The following FAM120B variants were observed in gnomAD, a reference collection of about 807,000 sequenced individuals.
FAM120B encodes the protein constitutive coactivator of peroxisome proliferator-activated receptor gamma.
A neutral mutation model predicts 96.3 loss-of-function variants in FAM120B; 83 were observed. That is an observed-to-expected ratio of 0.86 (90% CI 0.72 to 1.03). FAM120B has a LOEUF of 1.03. FAM120B is among the 50% of genes least tolerant of loss of function. The probability of loss-of-function intolerance (pLI) is 0.00; values close to 1 mark genes in which losing one functional copy is unlikely to be tolerated. For synonymous variants in FAM120B, 407 were observed against 402.7 expected (o/e 1.01, Z -0.13); for missense variants, 1,027 against 1,121.2 (o/e 0.92, Z 1.20).
At chr6:170,378,082 T>C (rs1789676810) in intron 6 of FAM120B, among the ~76,000 whole-genome samples, 1 of 152,234 alleles carries the variant, frequency 6.6e-6, no homozygotes, top group Non-Finnish European at 1.5e-5. Context: ...TTAGAGTTTA[T>C]ATTTAATACC....
At chr6:170,372,499 C>G (rs549660908) in intron 6 of FAM120B, among the ~76,000 whole-genome samples, 1 of 152,130 alleles carries the variant, frequency 6.6e-6, no homozygotes, top group Non-Finnish European at 1.5e-5. Context: ...AATGTGAGCG[C>G]GTTCTTAGAA....
rs928878240 is a variant in FAM120B at position 170,348,341 on chromosome 6, G to A, written c.2190+18G>A. 3.8e-5 allele frequency: 61 copies of A among 1,610,142 alleles called. No homozygotes were observed. Among genetic ancestry groups the A allele is most frequent in the Non-Finnish European group, 5.1e-5 (60 of 1,178,536 alleles). ...TTGTCCAGGTAATGTCCAGCTGCCC[G>A]TTCTAGTCACTGCAGCCTGCGCTTA... On this transcript the variant is annotated intron_variant, in intron 5 of 10. Coordinates refer to ENST00000476287, the MANE Select transcript of FAM120B (RefSeq NM_032448.3).
intron 1 of FAM120B, among the ~76,000 whole-genome samples, chr6:170,309,836 A>G (rs1228624657): frequency 6.6e-6 from 1 of 152,208 alleles, no homozygotes; most frequent in Non-Finnish European, 1.5e-5. Context: ...GAATCTTCCT[A>G]AAGTATATTA....
In FAM120B at chr6:170,300,465, A is replaced by G. The variant is rs114851591; in HGVS notation, c.48+5012A>G. Among the ~76,000 whole-genome samples, 772 of 152,288 alleles carry G rather than the reference A, an allele frequency of 5.1e-3. 10 individuals carry two copies. Among genetic ancestry groups the G allele is most frequent in the African/African-American group, 0.018 (739 of 41,566 alleles). On this transcript the variant is annotated intron_variant, in intron 1 of 10. Transcript: ENST00000537664. ...TTGGATGGGGATACAGCAAAACCAT[A>G]TAATTCCACTCCTGGTCCCTCCCAA...
intron 6 of FAM120B, among the ~76,000 whole-genome samples, chr6:170,376,265 C>T (rs1053617079): frequency 6.6e-6 from 1 of 152,060 alleles, no homozygotes; most frequent in African/African-American, 2.4e-5. Flanking sequence ...GATCTGTTTC[C>T]AGACAGATCT....
At chr6:170,391,536 A>G (rs1194709768) in intron 8 of FAM120B, among the ~76,000 whole-genome samples, 1 of 149,092 alleles carries the variant, frequency 6.7e-6, no homozygotes, top group Non-Finnish European at 1.5e-5. Flanking sequence ...CTCCATCTCA[A>G]AAAAAAAAAA....
chr6:170,392,045 G>C (rs999611015), intron 8 of FAM120B, among the ~76,000 whole-genome samples: 1 of 152,104 alleles, frequency 6.6e-6, no homozygotes, highest in African/African-American at 2.4e-5. Context: ...ATGCTTGTAT[G>C]TGTATTATTA....
At chr6:170,291,969 G>A (rs1376697588), upstream of FAM120B, among the ~76,000 whole-genome samples, 1 of 152,174 alleles carries the variant, frequency 6.6e-6, no homozygotes, top group African/African-American at 2.4e-5. Context: ...GGTGTGTGTC[G>A]TTCGCGTGGC....
rs887911748 is a variant in FAM120B at position 170,406,819 on chromosome 6, G to A, written c.*2068G>A. ...CCTCATCCCTTAGACTAAGAGAGTG[G>A]GTGTCTGTGAAAATTGTTTTCTCCT... On this transcript the variant is annotated 3_prime_UTR_variant, in exon 11 of 11. Coordinates refer to ENST00000476287, the MANE Select transcript of FAM120B (RefSeq NM_032448.3). The A allele has an allele frequency of 3.3e-5, 5 of 152,106 alleles. No homozygotes were observed. The highest frequency in any genetic ancestry group is 7.4e-5 in the Non-Finnish European group (5 of 68,014). The allele number at this position is 152,106 out of a possible 1,614,324, so 9.4% of individuals were successfully genotyped here. A position where few individuals can be genotyped will look rare whatever the true frequency, so the allele number is the denominator to read the frequency against.
rs760115995 is a variant in FAM120B, at chr6:170,388,355, T to A, written c.2352T>A (p.Val784=). 6.2e-7 allele frequency: 1 copy of A among 1,614,170 alleles called. No homozygotes were observed. Among genetic ancestry groups the A allele is most frequent in the Non-Finnish European group, 8.5e-7 (1 of 1,180,032 alleles). ...SLLVRGLTTL[V]LVNSACGFPW... ...TCGTCCGCGGCCTCACCACTCTGGT[T>A]TTAGTCAACAGCGCATGTGGCTTCC... is the stretch of plus-strand genomic sequence containing the variant. Residue 784 remains valine, a synonymous_variant, in exon 7 of 11, where the codon GTT becomes GTA. Coordinates refer to ENST00000476287, the MANE Select transcript of FAM120B (RefSeq NM_032448.3).
upstream of FAM120B, among the ~76,000 whole-genome samples, chr6:170,302,989 A>G (rs1426497402): frequency 6.6e-6 from 1 of 152,210 alleles, no homozygotes; most frequent in Admixed American, 6.5e-5. Context: ...TAAAGCTTCA[A>G]GATTTAGACA....
intron 3 of FAM120B, among the ~76,000 whole-genome samples, chr6:170,329,276 G>A (rs1186592064): frequency 6.6e-6 from 1 of 152,202 alleles, no homozygotes; most frequent in Non-Finnish European, 1.5e-5. Flanking sequence ...CCCTCACTAG[G>A]ATACAGTCTG....
At chr6:170,341,449 C>T (rs903835407) in intron 4 of FAM120B, among the ~76,000 whole-genome samples, 13 of 152,150 alleles carry the variant, frequency 8.5e-5, no homozygotes, top group East Asian at 1.9e-4. Flanking sequence ...GAATGGGACC[C>T]GCTGAGTGAG....
upstream of FAM120B, among the ~76,000 whole-genome samples, chr6:170,294,346 T>A (rs1171626240): frequency 6.6e-6 from 1 of 152,100 alleles, no homozygotes; most frequent in African/African-American, 2.4e-5. This position sits in a 1 kb window ranked among gnomAD's most constrained non-coding sequence, Gnocchi z 7.9. Flanking sequence ...GACACAGAAG[T>A]GGAAGGAGGA....
intron 6 of FAM120B, among the ~76,000 whole-genome samples, chr6:170,359,393 CA>C (rs138695435): frequency 0.27 from 35,961 of 135,458 alleles, 5,207 homozygotes; most frequent in Non-Finnish European, 0.35. Context: ...AACTCTGTCT[CA>C]AAAAAAAAAA....
Position 170,358,328 on chromosome 6 carries a change from T to C in FAM120B, c.2283+10T>C. 6.3e-7 allele frequency: 1 copy of C among 1,581,622 alleles called. No homozygotes were observed. The highest frequency in any genetic ancestry group is 8.7e-7 in the Non-Finnish European group (1 of 1,155,014). On this transcript the variant is annotated intron_variant, in intron 6 of 10. Transcript: ENST00000476287. Reference sequence around the variant, plus strand: ...GCTTGTAAATCTACAGGTACAGACGTGACCAGTTAGTTGTCACTGCCCGGA... The same window carrying C: ...GCTTGTAAATCTACAGGTACAGACGCGACCAGTTAGTTGTCACTGCCCGGA...
At chr6:170,347,917 C>T (rs529837735) in intron 4 of FAM120B, among the ~76,000 whole-genome samples, 1 of 152,060 alleles carries the variant, frequency 6.6e-6, no homozygotes, top group Non-Finnish European at 1.5e-5. Context: ...TGCAGTATCC[C>T]TCAAAATTTA....
At position 170,404,756 on chromosome 6, in the gene FAM120B, C is replaced by T. The variant is rs904155464; in HGVS notation, c.*12-7C>T. 1.5e-6 allele frequency: 1 copy of T among 648,824 alleles called. No homozygotes were observed. Among genetic ancestry groups the T allele is most frequent in the Middle Eastern group, 4.1e-4 (1 of 2,430 alleles). 40.2% of individuals were successfully genotyped at this position (648,824 alleles called of 1,614,324 possible). On this transcript the variant is annotated splice_polypyrimidine_tract_variant and splice_region_variant and intron_variant, in intron 10 of 10. Coordinates refer to ENST00000476287, the MANE Select transcript of FAM120B (RefSeq NM_032448.3). ...ACTTGGTTTCAAAACACTCTTGCTT[C>T]CTCCAGAAAGAGTATGGAGAGAAAA... is the stretch of plus-strand genomic sequence containing the variant.
chr6:170,333,191 G>GA (rs1786180400), intron 4 of FAM120B, among the ~76,000 whole-genome samples: 1 of 105,788 alleles, frequency 9.5e-6, no homozygotes, highest in Non-Finnish European at 1.7e-5. Context: ...TTCCTGTATT[G>GA]AAAACCTAAT....
Sources: allele counts gnomAD v4.1 joint callset (sites outside exome capture counted in the v4.1 genomes callset), GRCh38; gene constraint gnomAD v4.1.1; non-coding constraint Gnocchi (gnomAD v3.1); transcripts MANE v1.5; gene names NCBI Gene and HGNC (gene_info 2026-07-23, HGNC 2026-07-21).